Variants in STPG2 observed in about 807,000 individuals in gnomAD.
STPG2 encodes the protein sperm-tail PG-rich repeat-containing protein 2.
Under a neutral mutation model 54.2 loss-of-function variants are expected in STPG2, and 56 were observed. The ratio of observed to expected loss-of-function variants is 1.03; its 90% CI spans 0.83 to 1.29. The LOEUF is 1.29. Ranked by LOEUF, STPG2 falls within the 50% of genes most tolerant of loss-of-function variation. The pLI is 0.00. For missense variants in STPG2, 596 were observed against 544.9 expected (o/e 1.09, Z -0.93); for synonymous variants, 200 against 181.8 (o/e 1.10, Z -0.81).
chr4:97,933,489 G>A (rs558435749), intron 8 of STPG2, among the ~76,000 whole-genome samples: 3 of 152,156 alleles, frequency 2.0e-5, no homozygotes, highest in African/African-American at 4.8e-5. Context: ...GGGTTTTTAC[G>A]GTTTTGGGTT....
intron 9 of STPG2, among the ~76,000 whole-genome samples, chr4:97,835,779 T>A (rs1476918688): frequency 6.6e-6 from 1 of 152,090 alleles, no homozygotes; most frequent in Non-Finnish European, 1.5e-5. Context: ...TGGGAAGATG[T>A]CAAAAGATGA....
chr4:98,050,426 T>G (rs1171579418), intron 5 of STPG2, among the ~76,000 whole-genome samples: 1 of 149,256 alleles, frequency 6.7e-6, no homozygotes, highest in African/African-American at 2.5e-5. Flanking sequence ...TTTTGCATTA[T>G]TCACATTAAG....
chr4:98,011,127 C>T (rs1177057820), intron 5 of STPG2, among the ~76,000 whole-genome samples: 2 of 152,110 alleles, frequency 1.3e-5, no homozygotes, highest in African/African-American at 4.8e-5. Flanking sequence ...TATCCCCAGA[C>T]AGGCCCCAGT....
At chr4:97,970,814 T>A (rs1474476844) in intron 7 of STPG2, among the ~76,000 whole-genome samples, 1 of 152,024 alleles carries the variant, frequency 6.6e-6, no homozygotes, top group Non-Finnish European at 1.5e-5. Context: ...ACAAATGGGA[T>A]CTAATTAAAC....
At chr4:97,925,223 A>C (rs1026670957) in intron 8 of STPG2, among the ~76,000 whole-genome samples, 2 of 152,204 alleles carry the variant, frequency 1.3e-5, no homozygotes, top group Non-Finnish European at 2.9e-5. Flanking sequence ...GCACTCAATC[A>C]GGAATTAAGT....
chr4:97,943,925 G>C lies in STPG2; in HGVS notation c.1016C>G (p.Ala339Gly). 4 of 1,588,066 alleles carry C rather than the reference G, an allele frequency of 2.5e-6. No homozygotes were observed. Among genetic ancestry groups the C allele is most frequent in the Non-Finnish European group, 3.4e-6 (4 of 1,171,890 alleles). Residue 339 changes from alanine (A) to glycine (G), a missense_variant, in exon 8 of 11, where the codon GCC becomes GGC. By Grantham distance (60) the Ala-to-Gly change is moderately conservative. Transcript: ENST00000295268. ...ATCTGGTACTTTCATAGTTCTTTTG[G>C]CTCTTGACAAGAAAGCAGCATATTT... is the stretch of plus-strand genomic sequence containing the variant. The part of the protein sequence containing the change: ...TNKYAAFLSR[A>G]KRTMKVPDMV...
At chr4:97,871,347 C>T (rs1165553548) in intron 8 of STPG2, among the ~76,000 whole-genome samples, 1 of 150,298 alleles carries the variant, frequency 6.7e-6, no homozygotes, top group African/African-American at 2.4e-5. Context: ...TTTAAAAGAT[C>T]AAAATCCTGG....
intron 8 of STPG2, among the ~76,000 whole-genome samples, chr4:97,921,177 G>C (rs186740812): frequency 6.6e-6 from 1 of 152,232 alleles, no homozygotes; most frequent in Admixed American, 6.5e-5. Context: ...GGGAAGGAGA[G>C]TGAAGTGATC....
chr4:97,454,530 AAAAAAAAAAAAAAAAAAAAAAAAAAAAG>A (rs1265580357), intron 4 of STPG2, among the ~76,000 whole-genome samples: 2 of 113,146 alleles, frequency 1.8e-5, no homozygotes, highest in Non-Finnish European at 3.1e-5. Context: ...AAAAAAAAAA[AAAAAAAAAAAAAAAAAAAAAAAAAAAAG>A]AAAAGGGATT....
chr4:97,495,631 A>C (rs1730593771), intron 4 of STPG2, among the ~76,000 whole-genome samples: 1 of 151,024 alleles, frequency 6.6e-6, no homozygotes, highest in African/African-American at 2.4e-5. Flanking sequence ...GTTCAAAGGA[A>C]ACTCAGTTTC....
At chr4:98,055,526 T>C (rs1737453438) in intron 5 of STPG2, among the ~76,000 whole-genome samples, 1 of 152,072 alleles carries the variant, frequency 6.6e-6, no homozygotes. Context: ...AGCAACCCAC[T>C]CTCACCATGG....
intron 10 of STPG2, among the ~76,000 whole-genome samples, chr4:97,668,614 G>T (rs989217167): frequency 3.4e-5 from 5 of 148,298 alleles, no homozygotes; most frequent in African/African-American, 1.2e-4. Flanking sequence ...ATGAGAACAC[G>T]GTCAAAGAAT....
At chr4:98,118,654 C>T (rs1181724624) in intron 3 of STPG2, among the ~76,000 whole-genome samples, 2 of 152,122 alleles carry the variant, frequency 1.3e-5, no homozygotes, top group Non-Finnish European at 2.9e-5. Context: ...ACAGATCTTA[C>T]TTTGAAATAC....
At chr4:97,999,422 G>C (rs1042555676) in intron 5 of STPG2, among the ~76,000 whole-genome samples, 1 of 152,164 alleles carries the variant, frequency 6.6e-6, no homozygotes, top group Non-Finnish European at 1.5e-5. Flanking sequence ...CCAGGGCAAG[G>C]CCAGGCGCAG....
chr4:97,916,006 G>C (rs1006978359), intron 8 of STPG2, among the ~76,000 whole-genome samples: 1 of 152,178 alleles, frequency 6.6e-6, no homozygotes, highest in Non-Finnish European at 1.5e-5. Context: ...ATGGACGTGA[G>C]AGATATCTTA....
At chr4:98,059,059 G>GT (rs982736558) in intron 5 of STPG2, among the ~76,000 whole-genome samples, 59 of 150,710 alleles carry the variant, frequency 3.9e-4, no homozygotes, top group Admixed American at 9.3e-4. Flanking sequence ...ACCAGGGCTT[G>GT]TTTTTTTTGA....
chr4:97,789,656 CTAAAAT>C, intron 9 of STPG2, among the ~76,000 whole-genome samples: 1 of 152,186 alleles, frequency 6.6e-6, no homozygotes, highest in Non-Finnish European at 1.5e-5. Flanking sequence ...TATATAAAAA[CTAAAAT>C]TAAGTCTCAG....
chr4:97,675,866 C>T (rs763740587), intron 10 of STPG2, among the ~76,000 whole-genome samples: 2 of 147,110 alleles, frequency 1.4e-5, no homozygotes, highest in Non-Finnish European at 3.0e-5. Flanking sequence ...GAAATACAGG[C>T]CATTATTGTA....
At chr4:98,134,011 A>C (rs925627078) in intron 2 of STPG2, among the ~76,000 whole-genome samples, 1 of 151,704 alleles carries the variant, frequency 6.6e-6, no homozygotes, top group African/African-American at 2.4e-5. Flanking sequence ...CAATTCTTTC[A>C]CTCTAATGCC....
Sources: gnomAD v4.1 joint callset for allele counts (sites outside exome capture counted in the v4.1 genomes callset) on GRCh38, gnomAD v4.1.1 for gene constraint, MANE v1.5 for transcripts, NCBI Gene and HGNC (gene_info 2026-07-23, HGNC 2026-07-21) for gene names.